CLIC5: variants seen among roughly 807,000 people sequenced by gnomAD.
CLIC5 encodes chloride intracellular channel protein 5.
CLIC5 carries 20 observed loss-of-function variants against 24.7 expected under a neutral mutation model. The ratio of observed to expected loss-of-function variants is 0.81; its 90% confidence interval spans 0.57 to 1.18. CLIC5 has a LOEUF of 1.18. Among genes scored for constraint, CLIC5 ranks in the 50% most tolerant of loss-of-function variants. The pLI is 0.00. For missense variants in CLIC5, 341 were observed against 326.1 expected, an observed-to-expected ratio of 1.05 and a Z score of -0.35; for synonymous variants, 159 against 135.6, an observed-to-expected ratio of 1.17 and a Z score of -1.20.
intron 4 of CLIC5, among the ~76,000 whole-genome samples, chr6:45,926,755 T>C (rs1763515100): frequency 6.6e-6 from 1 of 152,196 alleles, no homozygotes; most frequent in East Asian, 1.9e-4. Flanking sequence ...ATAAAAATAA[T>C]GGTGAAAAGA....
chr6:46,039,928 A>G (rs1423926746), intron 1 of CLIC5, among the ~76,000 whole-genome samples: 3 of 152,250 alleles, frequency 2.0e-5, no homozygotes, highest in Non-Finnish European at 4.4e-5. Flanking sequence ...GTAACTGTAA[A>G]CCCTGGCAAT....
intron 3 of CLIC5, among the ~76,000 whole-genome samples, chr6:45,945,543 A>C (rs992938215): frequency 1.3e-5 from 2 of 152,164 alleles, no homozygotes; most frequent in African/African-American, 4.8e-5. Context: ...CAAAAACTAC[A>C]GGATGGAAGA....
At chr6:46,033,075 G>A (rs1767556074) in intron 1 of CLIC5, among the ~76,000 whole-genome samples, 1 of 134,090 alleles carries the variant, frequency 7.5e-6, no homozygotes, top group Admixed American at 8.7e-5. Context: ...TGCAAACTCC[G>A]CCTCCCGGGT....
chr6:46,022,380 C>T (rs761859222), intron 1 of CLIC5, among the ~76,000 whole-genome samples: 2 of 152,188 alleles, frequency 1.3e-5, no homozygotes, highest in Non-Finnish European at 2.9e-5. Flanking sequence ...GGGAATTAAA[C>T]AACTTACATT....
chr6:46,106,139 C>G, the CLIC5 span, among the ~76,000 whole-genome samples: 2 of 152,146 alleles, frequency 1.3e-5, no homozygotes, highest in Non-Finnish European at 1.5e-5. Context: ...GAGTTTCGCT[C>G]TGTCACCATG....
chr6:45,990,046 G>T (rs1765878941), intron 1 of CLIC5, among the ~76,000 whole-genome samples: 1 of 152,190 alleles, frequency 6.6e-6, no homozygotes, highest in African/African-American at 2.4e-5. Context: ...CAACCTTGGG[G>T]AAGACATGGA....
intron 1 of CLIC5, among the ~76,000 whole-genome samples, chr6:46,068,213 C>T (rs1211348155): frequency 2.6e-5 from 4 of 152,080 alleles, no homozygotes; most frequent in African/African-American, 9.7e-5. Flanking sequence ...AGGAGTGTGG[C>T]CCTGACAATA....
At chr6:45,892,785 C>T (rs1451934609) in intron 6 of CLIC5, among the ~76,000 whole-genome samples, 1 of 152,142 alleles carries the variant, frequency 6.6e-6, no homozygotes, top group Non-Finnish European at 1.5e-5. Context: ...AAAATAGTTG[C>T]CTTTCCATAT....
chr6:45,893,341 C>T (rs1281120463), intron 6 of CLIC5, among the ~76,000 whole-genome samples: 2 of 151,538 alleles, frequency 1.3e-5, no homozygotes, highest in East Asian at 3.9e-4. Flanking sequence ...TGAAGACCAA[C>T]ATTTTCCAAA....
At chr6:46,090,066 C>A in the CLIC5 span, among the ~76,000 whole-genome samples, 1 of 152,110 alleles carries the variant, frequency 6.6e-6, no homozygotes, top group Admixed American at 6.5e-5. Flanking sequence ...AAATTTGCTT[C>A]CATTACTTAA....
chr6:46,019,231 A>T (rs1767104465), upstream of CLIC5, among the ~76,000 whole-genome samples: 1 of 152,228 alleles, frequency 6.6e-6, no homozygotes, highest in Non-Finnish European at 1.5e-5. Context: ...CTAAATATAA[A>T]TGGTCTAAGC....
the CLIC5 span, among the ~76,000 whole-genome samples, chr6:46,128,159 T>C: frequency 6.6e-6 from 1 of 152,198 alleles, no homozygotes; most frequent in Admixed American, 6.5e-5. Context: ...AAGGTCCTTA[T>C]GTGTCATTTT....
chr6:46,002,219 G>A (rs561103353), intron 1 of CLIC5, among the ~76,000 whole-genome samples: 13 of 149,272 alleles, frequency 8.7e-5, no homozygotes, highest in Non-Finnish European at 1.5e-4. Flanking sequence ...CACATTTATA[G>A]TGCCTAGTGA....
intron 4 of CLIC5, among the ~76,000 whole-genome samples, chr6:45,923,363 C>T (rs1344133575): frequency 6.6e-6 from 1 of 152,198 alleles, no homozygotes; most frequent in Non-Finnish European, 1.5e-5. Flanking sequence ...TCAATTCTCC[C>T]TCCCCCAAAA....
At chr6:45,948,331 G>A (rs902671700) in intron 3 of CLIC5, among the ~76,000 whole-genome samples, 2 of 151,936 alleles carry the variant, frequency 1.3e-5, no homozygotes, top group African/African-American at 2.4e-5. Flanking sequence ...CCCTTCATTC[G>A]TCCTGCCTGG....
At chr6:45,933,334 A>G (rs1763814522) in intron 4 of CLIC5, among the ~76,000 whole-genome samples, 1 of 152,170 alleles carries the variant, frequency 6.6e-6, no homozygotes, top group Non-Finnish European at 1.5e-5. Flanking sequence ...GCTTAGCCCT[A>G]ACCAGGTGCT....
At chr6:46,073,445 C>G (rs1468746227) in intron 1 of CLIC5, among the ~76,000 whole-genome samples, 1 of 152,142 alleles carries the variant, frequency 6.6e-6, no homozygotes, top group Non-Finnish European at 1.5e-5. Flanking sequence ...TGGACACATC[C>G]AGATGATCAG....
chr6:45,891,895 A>C (rs1762351436), intron 6 of CLIC5, among the ~76,000 whole-genome samples: 1 of 152,238 alleles, frequency 6.6e-6, no homozygotes, highest in African/African-American at 2.4e-5. Flanking sequence ...GATGAAGATT[A>C]TACACGTGTA....
chr6:45,995,991 C>A (rs1329397727), intron 1 of CLIC5, among the ~76,000 whole-genome samples: 1 of 151,804 alleles, frequency 6.6e-6, no homozygotes, highest in Non-Finnish European at 1.5e-5. Flanking sequence ...GGAGAGAGAG[C>A]ATTAGGAAAA....
Sources: gnomAD v4.1 joint callset for allele counts (sites outside exome capture counted in the v4.1 genomes callset) on GRCh38, gnomAD v4.1.1 for gene constraint, MANE v1.5 for transcripts, NCBI Gene and HGNC (gene_info 2026-07-23, HGNC 2026-07-21) for gene names.